ATM: variants seen among roughly 807,000 people sequenced by gnomAD.
ATM encodes serine-protein kinase ATM.
ATM carries 308 observed loss-of-function variants against 387.0 expected under a neutral mutation model. The ratio of observed to expected loss-of-function variants is 0.80; its 90% confidence interval spans 0.73 to 0.87. ATM has a LOEUF of 0.87. Among genes scored for constraint, ATM ranks in the 40% least tolerant of loss-of-function variants. The pLI is 0.00. For missense variants in ATM, 3,312 were observed against 3,560.9 expected (o/e 0.93, Z 1.78); for synonymous variants, 1,156 against 1,187.3 (o/e 0.97, Z 0.54).
chr11:108,238,325 T>TA (rs577281243), intron 5 of ATM, among the ~76,000 whole-genome samples: 6 of 151,844 alleles, frequency 4.0e-5, no homozygotes, highest in South Asian at 2.1e-4. Flanking sequence ...TTTTATATAT[T>TA]AAAAAAAATA....
At chr11:108,242,516 G>T (rs1438398365) in intron 5 of ATM, among the ~76,000 whole-genome samples, 1 of 152,162 alleles carries the variant, frequency 6.6e-6, no homozygotes, top group Non-Finnish European at 1.5e-5. Flanking sequence ...TAGATGACAT[G>T]ATTGTCTATA....
At chr11:108,231,842 T>A (rs1312066515) in intron 4 of ATM, among the ~76,000 whole-genome samples, 2 of 152,042 alleles carry the variant, frequency 1.3e-5, no homozygotes, top group Non-Finnish European at 2.9e-5. Flanking sequence ...ATTTTCTACC[T>A]CCTCTGAGAT....
At chr11:108,303,313 C>T (rs1219334174) in intron 36 of ATM, among the ~76,000 whole-genome samples, 1 of 152,146 alleles carries the variant, frequency 6.6e-6, no homozygotes, top group Admixed American at 6.5e-5. Context: ...AGAGCCTGTT[C>T]TAACTTTGTT....
At chr11:108,352,590 T>C (rs1483572282) in intron 59 of ATM, among the ~76,000 whole-genome samples, 1 of 152,152 alleles carries the variant, frequency 6.6e-6, no homozygotes, top group Non-Finnish European at 1.5e-5. Context: ...AATCTACTTA[T>C]AAAATGGCCA....
intron 60 of ATM, among the ~76,000 whole-genome samples, chr11:108,354,557 G>A (rs1398319262): frequency 6.6e-6 from 1 of 152,174 alleles, no homozygotes; most frequent in Non-Finnish European, 1.5e-5. Context: ...GAGCCCAGTG[G>A]TGCATGCCTG....
In ATM at chr11:108,264,645, G is replaced by T. The variant is rs1565410843; in HGVS notation, c.2467-2526G>T. ...AGTTCTGGCCAGGGCAATCAGGCAGGAGAAGGAAATAAAGGGTATTCAATT... is the reference window on the plus strand; with the variant it reads ...AGTTCTGGCCAGGGCAATCAGGCAGTAGAAGGAAATAAAGGGTATTCAATT... On this transcript the variant is annotated intron_variant, in intron 16 of 62. Coordinates refer to ENST00000675843, the MANE Select transcript of ATM (RefSeq NM_000051.4). Among the ~76,000 whole-genome samples, 7 of 142,660 alleles carry T rather than the reference G, an allele frequency of 4.9e-5. No individual in the cohort carries two copies. In the South Asian group the frequency reaches 1.4e-3, roughly 29 times the overall value. 93.6% of individuals were successfully genotyped at this position (142,660 alleles called of 152,430 possible). A position where few individuals can be genotyped will look rare whatever the true frequency, so the allele number is the denominator to read the frequency against.
intron 16 of ATM, among the ~76,000 whole-genome samples, chr11:108,260,701 G>C (rs1196333245): frequency 6.6e-6 from 1 of 152,194 alleles, no homozygotes; most frequent in Non-Finnish European, 1.5e-5. Context: ...CAGAAGACGG[G>C]TGATTTCTGC....
At chr11:108,266,200 CA>C (rs2081226254) in intron 16 of ATM, among the ~76,000 whole-genome samples, 1 of 149,494 alleles carries the variant, frequency 6.7e-6, no homozygotes, top group African/African-American at 2.4e-5. Flanking sequence ...TTTATTGTGG[CA>C]TTATTCACAA....
chr11:108,361,481 C>T lies in ATM; in HGVS notation c.8851-3601C>T, dbSNP rs536682426. On this transcript the variant is annotated intron_variant, in intron 61 of 62. Coordinates refer to ENST00000675843, the MANE Select transcript of ATM (RefSeq NM_000051.4). ...TCATATGGAACCAAAAAAGAGCCCG[C>T]ATCGGCAAGTCAATCCTAAGCCAAA... is the stretch of plus-strand genomic sequence containing the variant. 1.5e-4 allele frequency among the ~76,000 whole-genome samples: 23 copies of T among 152,082 alleles called. 1 individual carries two copies. The highest frequency in any genetic ancestry group is 8.4e-4 in the South Asian group (4 of 4,786).
At chr11:108,358,202 A>C (rs1488041670) in intron 61 of ATM, among the ~76,000 whole-genome samples, 2 of 151,732 alleles carry the variant, frequency 1.3e-5, no homozygotes, top group Non-Finnish European at 2.9e-5. Flanking sequence ...TCAGCGATGG[A>C]AGATGAAATG....
chr11:108,242,588 A>G (rs1441306436), intron 5 of ATM, among the ~76,000 whole-genome samples: 2 of 152,192 alleles, frequency 1.3e-5, no homozygotes, highest in Non-Finnish European at 2.9e-5. Flanking sequence ...GACTGGGCAC[A>G]GTGGCTTACA....
chr11:108,299,765 T>C lies in ATM; in HGVS notation c.5057T>C (p.Ile1686Thr), dbSNP rs878853517. Residue 1686 changes from isoleucine (I) to threonine (T), a missense_variant, in exon 34 of 63, where the codon ATA becomes ACA. By Grantham distance (89) the Ile-to-Thr change is moderately conservative (BLOSUM62 -1). Coordinates refer to ENST00000675843, the MANE Select transcript of ATM (RefSeq NM_000051.4). Reference sequence around the variant, plus strand: ...GTGGGTCCTATAGATTTCTCTACCATAGCTATACAACATAGTAAAGATGCA... The same window carrying C: ...GTGGGTCCTATAGATTTCTCTACCACAGCTATACAACATAGTAAAGATGCA... ...GEVGPIDFST[I>T]AIQHSKDASY... The C allele has an allele frequency of 6.2e-7, 1 of 1,613,876 alleles. No homozygotes were observed. Among genetic ancestry groups the C allele is most frequent in the African/African-American group, 1.3e-5 (1 of 74,918 alleles).
intron 51 of ATM, 65 bp downstream of exon 51, chr11:108,331,622 A>G: frequency 7.1e-7 from 1 of 1,411,306 alleles, no homozygotes; most frequent in Non-Finnish European, 9.3e-7. Flanking sequence ...TATATTATAT[A>G]AAGTATATAT....
At position 108,290,911 on chromosome 11, in the gene ATM, T is replaced by C. The variant is rs116178598; in HGVS notation, c.4436+1110T>C. 6.0e-3 allele frequency among the ~76,000 whole-genome samples: 919 copies of C among 152,160 alleles called. 8 individuals carry two copies. The highest frequency in any genetic ancestry group is 0.02 in the African/African-American group (826 of 41,514). ...CATTTTAATACTAATATTCTAGCTATTGATGGCCTCAAATAAATGTTACTA... is the reference window on the plus strand; with the variant it reads ...CATTTTAATACTAATATTCTAGCTACTGATGGCCTCAAATAAATGTTACTA... On this transcript the variant is annotated intron_variant, in intron 29 of 62. Transcript: ENST00000675843.
intron 16 of ATM, among the ~76,000 whole-genome samples, chr11:108,262,980 A>C (rs1344593455): frequency 6.6e-6 from 1 of 152,120 alleles, no homozygotes; most frequent in Non-Finnish European, 1.5e-5. Context: ...CCAGATTCAT[A>C]AAGCAAGTCC....
At chr11:108,345,414 T>C (rs2088206378) in intron 57 of ATM, among the ~76,000 whole-genome samples, 1 of 152,224 alleles carries the variant, frequency 6.6e-6, no homozygotes, top group Non-Finnish European at 1.5e-5. Context: ...CCCAATGCTG[T>C]GATGCCACCT....
Position 108,281,003 on chromosome 11 carries a change from T to C in ATM, c.3411T>C (p.Ser1137=), listed in dbSNP as rs369518512. 8.7e-6 allele frequency: 14 copies of C among 1,610,534 alleles called. No individual in the cohort carries two copies. The highest frequency in any genetic ancestry group is 1.2e-5 in the Non-Finnish European group (14 of 1,177,470). ...AQEGMREMSH[S]AENPETLDEI... ...TTTAATTTCTTTTTAAGTCCCATAG[T>C]GCTGAGAACCCTGAAACTTTGGATG... Residue 1137 remains serine, a synonymous_variant, in exon 24 of 63, where the codon AGT becomes AGC. Coordinates refer to ENST00000675843, the MANE Select transcript of ATM (RefSeq NM_000051.4).
Position 108,331,999 on chromosome 11 carries a change from A to G in ATM, c.7750A>G (p.Thr2584Ala), listed in dbSNP as rs1275218654. 6.2e-7 allele frequency: 1 copy of G among 1,613,940 alleles called. No individual in the cohort carries two copies. Among genetic ancestry groups the G allele is most frequent in the African/African-American group, 1.3e-5 (1 of 74,942 alleles). The change falls in exon 52 of 63, where the codon ACT becomes GCT. Residue 2584 changes from threonine (T) to alanine (A), a missense_variant. Thr to Ala is a moderately conservative substitution (Grantham distance 58). Around this residue, in one of 4 missense-constraint regions of ATM, gnomAD observed 1,405 missense variants for 1,604.4 expected, o/e 0.88. Coordinates refer to ENST00000675843, the MANE Select transcript of ATM (RefSeq NM_000051.4). The part of the protein sequence containing the change: ...KPEVARRSRI[T>A]KNVPKQSSQL... ...AGAGGTAGCCAGAAGAAGCAGAATA[A>G]CTAAAAATGTGCCTAAACAAAGCTC...
At chr11:108,280,901 CT>C (rs1291559368) in intron 23 of ATM, 93 bp from the exon 24 acceptor site, 7 of 1,175,320 alleles carry the variant, frequency 6.0e-6, no homozygotes, top group Middle Eastern at 2.8e-4. Context: ...ATGTGTATAG[CT>C]TGTCAAAAAA....
Sources: gnomAD v4.1 joint callset for allele counts (sites outside exome capture counted in the v4.1 genomes callset) on GRCh38, gnomAD v4.1.1 for gene constraint, gnomAD v4.1.1 regional missense constraint, MANE v1.5 for transcripts, NCBI Gene and HGNC (gene_info 2026-07-23, HGNC 2026-07-21) for gene names.